Variants in KLRG1 observed in about 807,000 individuals in gnomAD.
KLRG1 encodes killer cell lectin like receptor G1.
KLRG1 carries 16 observed loss-of-function variants against 21.8 expected under a neutral mutation model. The ratio of observed to expected loss-of-function variants is 0.73; its 90% CI spans 0.50 to 1.11. The LOEUF (loss-of-function observed/expected upper bound fraction) is 1.11, where lower values mean the gene tolerates loss of function less well. Among genes scored for constraint, KLRG1 ranks in the 50% most tolerant of loss-of-function variants. KLRG1 has a pLI of 0.00. For synonymous variants in KLRG1, 69 were observed against 75.9 expected, an observed-to-expected ratio of 0.91 and a Z score of 0.47; for missense variants, 173 against 218.3, an observed-to-expected ratio of 0.79 and a Z score of 1.31.
chr12:9,115,859 A>G, the KLRG1 span: 2 of 1,611,044 alleles, frequency 1.2e-6, no homozygotes, highest in African/African-American at 1.3e-5. Context: ...TGTTGCAGAA[A>G]GAAGGAGCTG....
the KLRG1 span, chr12:9,058,602 C>A: frequency 1.3e-5 from 2 of 152,236 alleles, no homozygotes; most frequent in African/African-American, 2.4e-5. Context: ...CCTCCCCCAA[C>A]CCTCTTGTCT....
chr12:9,181,852 C>A, the KLRG1 span: 2 of 1,087,804 alleles, frequency 1.8e-6, no homozygotes, highest in Non-Finnish European at 2.6e-6. Flanking sequence ...CTGCCATAAA[C>A]TTGTTGGGAA....
the KLRG1 span, among the ~76,000 whole-genome samples, chr12:9,102,896 ATTAT>A: frequency 6.6e-6 from 1 of 152,144 alleles, no homozygotes; most frequent in African/African-American, 2.4e-5. Context: ...AATAAAATGT[ATTAT>A]TTATTTCTCT....
the KLRG1 span, chr12:9,162,680 T>C: frequency 7.9e-6 from 12 of 1,521,136 alleles, no homozygotes; most frequent in South Asian, 2.3e-5. Flanking sequence ...GGAGAAAAGA[T>C]AGAAACATCC....
chr12:9,161,802 A>G, the KLRG1 span, among the ~76,000 whole-genome samples: 1 of 152,230 alleles, frequency 6.6e-6, no homozygotes, highest in African/African-American at 2.4e-5. Context: ...TCTTAATGAT[A>G]TGATGAACTT....
chr12:9,105,742 A>G, the KLRG1 span, among the ~76,000 whole-genome samples: 1 of 152,204 alleles, frequency 6.6e-6, no homozygotes, highest in East Asian at 1.9e-4. Context: ...TGTTATAGAA[A>G]AATAGTGTAA....
the KLRG1 span, chr12:9,107,564 C>A: frequency 6.2e-7 from 1 of 1,613,994 alleles, no homozygotes; most frequent in Non-Finnish European, 8.5e-7. Context: ...TGAATCTTCA[C>A]CGTGGCAGTC....
the KLRG1 span, chr12:9,182,006 T>G: frequency 2.5e-6 from 4 of 1,613,784 alleles, no homozygotes; most frequent in Non-Finnish European, 3.4e-6. Context: ...AATCTCAAAT[T>G]TTTCAGAGTC....
the KLRG1 span, among the ~76,000 whole-genome samples, chr12:9,154,009 G>T: frequency 1.3e-5 from 2 of 152,298 alleles, no homozygotes; most frequent in East Asian, 1.9e-4. Flanking sequence ...AAGTAGAAAG[G>T]AATGAAGAAG....
the KLRG1 span, among the ~76,000 whole-genome samples, chr12:9,015,815 C>G: frequency 1.3e-5 from 2 of 152,118 alleles, no homozygotes. Flanking sequence ...GTTATCTTCT[C>G]TGACTATAAT....
chr12:8,995,152 G>C lies in KLRG1; in HGVS notation c.221G>C (p.Ser74Thr). 1 of 1,611,798 alleles carries C rather than the reference G, an allele frequency of 6.2e-7. No homozygotes were observed. The highest frequency in any genetic ancestry group is 8.5e-7 in the Non-Finnish European group (1 of 1,179,106). The part of the protein sequence containing the change: ...SNYSTCASCP[S>T]CPDRWMKYGN... ...TACTCCACTTGTGCCAGCTGTCCTA[G>C]CTGCCCAGACCGCTGGATGAAATAT... The change falls in exon 3 of 5, where the codon AGC (serine) becomes ACC (threonine). Residue 74 changes from serine (S) to threonine (T), a missense_variant. Physicochemically the swap from Ser to Thr is moderately conservative, Grantham distance 58. This residue lies in a region of KLRG1 where 144 missense variants were observed against 161.5 expected (regional missense o/e 0.89). Transcript: ENST00000356986.
chr12:9,181,237 G>A, the KLRG1 span: 8 of 1,388,154 alleles, frequency 5.8e-6, no homozygotes, highest in Non-Finnish European at 7.9e-6. Context: ...ATATGACTAT[G>A]TTGGTAATGT....
At chr12:9,111,276 T>C in the KLRG1 span, among the ~76,000 whole-genome samples, 1 of 152,146 alleles carries the variant, frequency 6.6e-6, no homozygotes, top group East Asian at 1.9e-4. Flanking sequence ...TAATGGAGCT[T>C]ATGTTATAAT....
the KLRG1 span, chr12:9,163,788 C>T: frequency 6.2e-7 from 1 of 1,610,552 alleles, no homozygotes; most frequent in Non-Finnish European, 8.5e-7. Flanking sequence ...AGTTCACATT[C>T]CCTAAAACAA....
At chr12:9,063,439 C>T in the KLRG1 span, among the ~76,000 whole-genome samples, 51 of 152,266 alleles carry the variant, frequency 3.3e-4, 1 homozygote, top group East Asian at 6.9e-3. Context: ...ATAAAACTGA[C>T]CCCAACAAGT....
At chr12:9,054,402 T>C in the KLRG1 span, among the ~76,000 whole-genome samples, 10 of 152,214 alleles carry the variant, frequency 6.6e-5, no homozygotes, top group African/African-American at 2.2e-4. Flanking sequence ...TATGACTCTT[T>C]ATGAAAAATA....
At chr12:9,048,035 A>C in the KLRG1 span, among the ~76,000 whole-genome samples, 1 of 152,354 alleles carries the variant, frequency 6.6e-6, no homozygotes, top group East Asian at 1.9e-4. Flanking sequence ...ATTGATATTC[A>C]CAGGATATTT....
intron 1 of KLRG1, among the ~76,000 whole-genome samples, chr12:8,967,898 C>T (rs1389688279): frequency 1.3e-5 from 2 of 148,778 alleles, no homozygotes; most frequent in Non-Finnish European, 3.0e-5. Flanking sequence ...TAAAGATGTG[C>T]AATGGAGAAC....
At chr12:8,979,850 T>A (rs71447545) in intron 1 of KLRG1, among the ~76,000 whole-genome samples, 2 of 152,172 alleles carry the variant, frequency 1.3e-5, no homozygotes, top group Non-Finnish European at 2.9e-5. Context: ...CTCTGTATTG[T>A]ATTTTTTATT....
Sources: gnomAD v4.1 joint callset for allele counts (sites outside exome capture counted in the v4.1 genomes callset) on GRCh38, gnomAD v4.1.1 for gene constraint, gnomAD v4.1.1 regional missense constraint, MANE v1.5 for transcripts, NCBI Gene and HGNC (gene_info 2026-07-23, HGNC 2026-07-21) for gene names.